PTPN6: variants seen among roughly 807,000 people sequenced by gnomAD.
The protein encoded by PTPN6 is protein tyrosine phosphatase non-receptor type 6.
Under a neutral mutation model 81.5 loss-of-function variants are expected in PTPN6, and 18 were observed. That is an observed-to-expected ratio of 0.22 (90% CI 0.15 to 0.33). The LOEUF is 0.33. Among genes scored for constraint, PTPN6 ranks in the 10% least tolerant of loss-of-function variants. The pLI is 1.00. For synonymous variants in PTPN6, 301 were observed against 310.9 expected, an observed-to-expected ratio of 0.97 and a Z score of 0.33; for missense variants, 500 against 794.2, an observed-to-expected ratio of 0.63 and a Z score of 4.45.
In PTPN6 at chr12:6,955,827, G is replaced by C. The variant is rs1453287691; in HGVS notation, c.844+71G>C. 1.5e-5 allele frequency: 21 copies of C among 1,411,942 alleles called. No homozygotes were observed. The highest frequency in any genetic ancestry group is 1.8e-5 in the Non-Finnish European group (18 of 999,488). The allele number at this position is 1,411,942 out of a possible 1,614,324, so 87.5% of individuals were successfully genotyped here. A position where few individuals can be genotyped will look rare whatever the true frequency, so the allele number is the denominator to read the frequency against. On this transcript the variant is annotated intron_variant, in intron 7 of 15. Transcript: ENST00000318974. This position sits in a 1 kb window ranked among gnomAD's most constrained non-coding sequence, Gnocchi z 7.2. ...CCAGCTGCCTCCCCTCATCTCACAG[G>C]TCTCCACCCTCCACGCCAGGAGGGG...
upstream of PTPN6, among the ~76,000 whole-genome samples, chr12:6,948,870 A>G (rs1355011068): frequency 1.3e-5 from 2 of 151,108 alleles, no homozygotes; most frequent in East Asian, 3.9e-4. Flanking sequence ...GCTTGAACCC[A>G]GGAGGCGGAG....
In PTPN6 at chr12:6,952,146, C is replaced by T; in HGVS notation, c.295C>T (p.Pro99Ser). Residue 99 changes from proline to serine, a missense_variant, in exon 3 of 16, where the codon CCG becomes TCG. This residue lies in a region of PTPN6 where 98 missense variants were observed against 199.2 expected (regional missense o/e 0.49). Coordinates refer to ENST00000318974, the MANE Select transcript of PTPN6 (RefSeq NM_002831.6). This position sits in a 1 kb window ranked among gnomAD's most constrained non-coding sequence, Gnocchi z 8.1. ...CGGCACCATCATCCACCTCAAGTAC[C>T]CGCTGAACTGCTCCGATCCCACTAG... ...RDGTIIHLKY[P>S]LNCSDPTSER... 2 of 1,614,126 alleles carry T rather than the reference C, an allele frequency of 1.2e-6. No homozygotes were observed. Among genetic ancestry groups the T allele is most frequent in the Non-Finnish European group, 1.7e-6 (2 of 1,180,028 alleles).
At chr12:6,951,131 A>C (rs1425452469), upstream of PTPN6, 6 of 901,440 alleles carry the variant, frequency 6.7e-6, no homozygotes, top group African/African-American at 1.0e-4. The surrounding 1 kb of genome is among the most constrained non-coding windows in gnomAD (Gnocchi z 7.2). Flanking sequence ...GGAGTGTGCA[A>C]GGCACACATG....
intron 11 of PTPN6, among the ~76,000 whole-genome samples, chr12:6,958,609 G>C (rs1555149191): frequency 6.6e-6 from 1 of 152,236 alleles, no homozygotes. Flanking sequence ...GGCTGTGTGG[G>C]GATGGGTGAT....
chr12:6,961,052 G>A lies in PTPN6; in HGVS notation c.*26-74G>A, dbSNP rs1946131305. 3 of 1,502,832 alleles carry A rather than the reference G, an allele frequency of 2.0e-6. No individual in the cohort carries two copies. In the South Asian group the frequency reaches 3.7e-5, roughly 18 times the overall value. The allele number at this position is 1,502,832 out of a possible 1,614,324, so 93.1% of individuals were successfully genotyped here. On this transcript the variant is annotated intron_variant, in intron 15 of 15. Coordinates refer to ENST00000318974, the MANE Select transcript of PTPN6 (RefSeq NM_002831.6). ...CCGCAGCCTCATTCTGTGCTTCCCA[G>A]CTGCCCCAGACCCTCTTGTTCCACC...
upstream of PTPN6, chr12:6,951,214 A>ATCTCG: frequency 2.1e-5 from 30 of 1,412,616 alleles, no homozygotes; most frequent in East Asian, 7.9e-5. This position sits in a 1 kb window ranked among gnomAD's most constrained non-coding sequence, Gnocchi z 7.2. Flanking sequence ...ACGTGTGGGA[A>ATCTCG]GTGGGCCCCG....
Position 6,952,242 on chromosome 12 carries a change from G to C in PTPN6, c.326+65G>C. ...AGCCGGCTCCCACCCTGAACAGCCAGGGAGGCAGGGAGACTGGCAGCCGGC... is the reference window on the plus strand; with the variant it reads ...AGCCGGCTCCCACCCTGAACAGCCACGGAGGCAGGGAGACTGGCAGCCGGC... On this transcript the variant is annotated intron_variant, in intron 3 of 15. Coordinates refer to ENST00000318974, the MANE Select transcript of PTPN6 (RefSeq NM_002831.6). This position sits in a 1 kb window ranked among gnomAD's most constrained non-coding sequence, Gnocchi z 8.1. 6.3e-7 allele frequency: 1 copy of C among 1,585,792 alleles called. No individual in the cohort carries two copies. Among genetic ancestry groups the C allele is most frequent in the Non-Finnish European group, 8.6e-7 (1 of 1,157,802 alleles).
chr12:6,948,957 A>AG (rs1366328296), upstream of PTPN6, among the ~76,000 whole-genome samples: 2 of 151,742 alleles, frequency 1.3e-5, no homozygotes, highest in African/African-American at 4.8e-5. Context: ...AAAAAAAAAA[A>AG]AAAAGAAAAG....
chr12:6,949,263 G>A (rs1945887087), upstream of PTPN6, among the ~76,000 whole-genome samples: 1 of 152,286 alleles, frequency 6.6e-6, no homozygotes, highest in Admixed American at 6.5e-5. Context: ...GAACAACTTT[G>A]CTCCAGCCAC....
In PTPN6 at chr12:6,955,569, G is replaced by A; in HGVS notation, c.747+84G>A. On this transcript the variant is annotated intron_variant, in intron 6 of 15. Transcript: ENST00000318974. This position sits in a 1 kb window ranked among gnomAD's most constrained non-coding sequence, Gnocchi z 7.2. Reference sequence around the variant, plus strand: ...CCCAGGCGGACACCTTCCCCTCCTTGCCCACCTCTGCTCCTGACCCACCCC... The same window carrying A: ...CCCAGGCGGACACCTTCCCCTCCTTACCCACCTCTGCTCCTGACCCACCCC... 1.3e-6 allele frequency: 2 copies of A among 1,555,802 alleles called. No homozygotes were observed. Among genetic ancestry groups the A allele is most frequent in the East Asian group, 2.2e-5 (1 of 44,514 alleles).
In PTPN6 at chr12:6,956,594, C is replaced by T; in HGVS notation, c.1074+26C>T. On this transcript the variant is annotated intron_variant, in intron 9 of 15. Coordinates refer to ENST00000318974, the MANE Select transcript of PTPN6 (RefSeq NM_002831.6). This position sits in a 1 kb window ranked among gnomAD's most constrained non-coding sequence, Gnocchi z 4.1. The stretch of plus-strand genomic sequence containing the variant: ...GTAGGGCGCCCCCCCTTCCCCGCAT[C>T]CGCCCCCGTGCTTGTGGTCATGCCA... 3 of 1,612,740 alleles carry T rather than the reference C, an allele frequency of 1.9e-6. No individual in the cohort carries two copies. The highest frequency in any genetic ancestry group is 2.5e-6 in the Non-Finnish European group (3 of 1,179,842).
chr12:6,948,190 G>T (rs892395270), upstream of PTPN6, among the ~76,000 whole-genome samples: 1 of 151,966 alleles, frequency 6.6e-6, no homozygotes, highest in East Asian at 1.9e-4. Context: ...GGCTGAGGTG[G>T]GAGGATCACT....
At position 6,952,095 on chromosome 12, in the gene PTPN6, C is replaced by A; in HGVS notation, c.244C>A (p.Gln82Lys). Residue 82 changes from glutamine (Q) to lysine (K), a missense_variant, in exon 3 of 16, where the codon CAG becomes AAG. This residue lies in a region of PTPN6 where 98 missense variants were observed against 199.2 expected (regional missense o/e 0.49). Coordinates refer to ENST00000318974, the MANE Select transcript of PTPN6 (RefSeq NM_002831.6). This position sits in a 1 kb window ranked among gnomAD's most constrained non-coding sequence, Gnocchi z 8.1. ...AGAGCTGGTGGAGTACTACACTCAG[C>A]AGCAGGGTGTCCTGCAGGACCGCGA... The part of the protein sequence containing the change: ...LTELVEYYTQ[Q>K]QGVLQDRDGT... The A allele has an allele frequency of 1.2e-6, 2 of 1,614,132 alleles. No homozygotes were observed. The highest frequency in any genetic ancestry group is 1.7e-6 in the Non-Finnish European group (2 of 1,180,012).
rs1048693652 is a variant in PTPN6 at position 6,956,005 on chromosome 12, C to G, written c.845-137C>G. On this transcript the variant is annotated intron_variant, in intron 7 of 15. Transcript: ENST00000318974. This position sits in a 1 kb window ranked among gnomAD's most constrained non-coding sequence, Gnocchi z 4.1. ...TCCCTCCATACAGATGATCCCCCAC[C>G]CCTGCTGCCCACAGTCCCCCGCAAG... is the stretch of plus-strand genomic sequence containing the variant. 14 of 921,286 alleles carry G rather than the reference C, an allele frequency of 1.5e-5. No individual in the cohort carries two copies. Among genetic ancestry groups the G allele is most frequent in the Non-Finnish European group, 2.3e-5 (13 of 575,508 alleles). 57.1% of individuals were successfully genotyped at this position (921,286 alleles called of 1,614,324 possible).
chr12:6,955,831 C>A lies in PTPN6; in HGVS notation c.844+75C>A. 7.3e-7 allele frequency: 1 copy of A among 1,372,726 alleles called. No homozygotes were observed. The highest frequency in any genetic ancestry group is 1.0e-6 in the Non-Finnish European group (1 of 965,074). The allele number at this position is 1,372,726 out of a possible 1,614,324, so 85.0% of individuals were successfully genotyped here. On this transcript the variant is annotated intron_variant, in intron 7 of 15. Coordinates refer to ENST00000318974, the MANE Select transcript of PTPN6 (RefSeq NM_002831.6). This position sits in a 1 kb window ranked among gnomAD's most constrained non-coding sequence, Gnocchi z 7.2. ...CTGCCTCCCCTCATCTCACAGGTCT[C>A]CACCCTCCACGCCAGGAGGGGCCAT... is the stretch of plus-strand genomic sequence containing the variant.
upstream of PTPN6, among the ~76,000 whole-genome samples, chr12:6,948,006 C>T (rs782774617): frequency 5.3e-5 from 8 of 151,954 alleles, no homozygotes; most frequent in Non-Finnish European, 2.9e-5. Flanking sequence ...GAAAACCTGA[C>T]GAGATGAGGT....
chr12:6,956,803 C>T lies in PTPN6; in HGVS notation c.1074+235C>T, dbSNP rs1555148804. On this transcript the variant is annotated intron_variant, in intron 9 of 15. Transcript: ENST00000318974. This position sits in a 1 kb window ranked among gnomAD's most constrained non-coding sequence, Gnocchi z 4.1. ...CAGGTTCCAGGCTGTCCTCCTTCCT[C>T]CTACCCCTGCCCCACCTGTCTGCAT... is the stretch of plus-strand genomic sequence containing the variant. Among the ~76,000 whole-genome samples the T allele has an allele frequency of 6.6e-6, 1 of 152,134 alleles. No homozygotes were observed. Among genetic ancestry groups the T allele is most frequent in the African/African-American group, 2.4e-5 (1 of 41,424 alleles).
chr12:6,950,681 G>T (rs1444439194), upstream of PTPN6, among the ~76,000 whole-genome samples: 3 of 152,180 alleles, frequency 2.0e-5, no homozygotes, highest in African/African-American at 7.2e-5. Flanking sequence ...TTAACTATTA[G>T]TCTCCTGCTC....
In PTPN6 at chr12:6,956,243, G is replaced by A. The variant is rs7963446; in HGVS notation, c.924+22G>A. On this transcript the variant is annotated intron_variant, in intron 8 of 15. Coordinates refer to ENST00000318974, the MANE Select transcript of PTPN6 (RefSeq NM_002831.6). The surrounding 1 kb of genome is among the most constrained non-coding windows in gnomAD (Gnocchi z 4.1). ...CAAGGTCAGCAGTGTGGGCCACGTG[G>A]GAGGAGAGGCTGGGCCCTGGGAATT... 0.92 allele frequency: 1,480,684 copies of A among 1,613,296 alleles called. 687,819 individuals carry two copies. Among genetic ancestry groups the A allele is most frequent in the South Asian group, 0.96 (87,482 of 91,064 alleles).
Sources: allele counts gnomAD v4.1 joint callset (sites outside exome capture counted in the v4.1 genomes callset), GRCh38; gene constraint gnomAD v4.1.1; regional missense constraint gnomAD v4.1.1; non-coding constraint Gnocchi (gnomAD v3.1); transcripts MANE v1.5; gene names NCBI Gene and HGNC (gene_info 2026-07-23, HGNC 2026-07-21).